The following C8A variants were observed in gnomAD, a reference collection of about 807,000 sequenced individuals.
The protein encoded by C8A is complement C8 alpha chain, also known as complement component C8 alpha chain.
A neutral mutation model predicts 65.3 loss-of-function variants in C8A; 67 were observed. The observed-to-expected ratio is 1.03, with a 90% CI of 0.84 to 1.26. The LOEUF is 1.26. Among genes scored for constraint, C8A ranks in the 50% most tolerant of loss-of-function variants. C8A has a pLI of 0.00. For synonymous variants in C8A, 290 were observed against 259.4 expected (o/e 1.12, Z -1.13); for missense variants, 781 against 723.9 (o/e 1.08, Z -0.90).
At chr1:56,873,573 T>C (rs1473294080) in intron 2 of C8A, among the ~76,000 whole-genome samples, 1 of 152,168 alleles carries the variant, frequency 6.6e-6, no homozygotes, top group East Asian at 1.9e-4. Flanking sequence ...TGCACAGATT[T>C]AGAAACTGAG....
Position 56,859,011 on chromosome 1 carries a change from T to C in C8A, c.77+4033T>C, listed in dbSNP as rs570703010. ...TATATAAAGTACTTATAACAGAACC[T>C]GGTACATGGTAAGCCTTTAGAAAAT... is the stretch of plus-strand genomic sequence containing the variant. On this transcript the variant is annotated intron_variant, in intron 1 of 10. Coordinates refer to ENST00000361249, the MANE Select transcript of C8A (RefSeq NM_000562.3). Among the ~76,000 whole-genome samples, 8 of 152,368 alleles carry C rather than the reference T, an allele frequency of 5.3e-5. No homozygotes were observed. In the East Asian group the frequency reaches 1.4e-3, roughly 26 times the overall value.
chr1:56,906,320 T>C (rs1034943506), intron 7 of C8A, among the ~76,000 whole-genome samples: 4 of 152,052 alleles, frequency 2.6e-5, no homozygotes, highest in Non-Finnish European at 4.4e-5. Flanking sequence ...TTCAGGGTAA[T>C]GGTGCCTATC....
Position 56,854,810 on chromosome 1 carries a change from A to T in C8A, c.-92A>T. 3.9e-6 allele frequency: 4 copies of T among 1,029,046 alleles called. No homozygotes were observed. The highest frequency in any genetic ancestry group is 6.0e-6 in the Non-Finnish European group (4 of 668,540). The allele number at this position is 1,029,046 out of a possible 1,614,324, so 63.7% of individuals were successfully genotyped here. ...GTTTCCAACATCAGATAGATCTTAC[A>T]GGTCCCAGCCTGTAGACATCTTTTA... On this transcript the variant is annotated 5_prime_UTR_variant, in exon 1 of 11. Transcript: ENST00000361249.
chr1:56,864,188 A>T (rs1644061869), intron 1 of C8A, among the ~76,000 whole-genome samples: 1 of 152,186 alleles, frequency 6.6e-6, no homozygotes, highest in South Asian at 2.1e-4. Context: ...TCCCTAAGGA[A>T]TTGATGTTTA....
intron 7 of C8A, among the ~76,000 whole-genome samples, chr1:56,892,299 CTATT>C (rs1447568201): frequency 6.6e-6 from 1 of 152,098 alleles, no homozygotes; most frequent in East Asian, 1.9e-4. Context: ...AAATAATTGA[CTATT>C]TATTATGTGC....
At chr1:56,917,062 G>A (rs1224485597) in intron 10 of C8A, among the ~76,000 whole-genome samples, 2 of 152,332 alleles carry the variant, frequency 1.3e-5, no homozygotes, top group Non-Finnish European at 2.9e-5. Flanking sequence ...ATTCTTCCAA[G>A]GGAGCACACC....
rs377721032 is a variant in C8A at position 56,917,744 on chromosome 1, T to C, written c.*28T>C. On this transcript the variant is annotated 3_prime_UTR_variant, in exon 11 of 11. Transcript: ENST00000361249. ...GCCTCTGGACACAGGCTGGACCAGA[T>C]GCTGTGGATGTCGACCCCTGCACTG... is the stretch of plus-strand genomic sequence containing the variant. The C allele has an allele frequency of 4.6e-5, 75 of 1,613,150 alleles. No individual in the cohort carries two copies. The highest frequency in any genetic ancestry group is 6.1e-5 in the Non-Finnish European group (72 of 1,179,800).
chr1:56,886,071 A>C lies in C8A; in HGVS notation c.1000A>C (p.Ile334Leu). 1 of 1,614,064 alleles carries C rather than the reference A, an allele frequency of 6.2e-7. No individual in the cohort carries two copies. The highest frequency in any genetic ancestry group is 8.5e-7 in the Non-Finnish European group (1 of 1,179,936). ...QYNYGMYAKF[I>L]NDYGTHYITS... ...CAATTATGGCATGTATGCCAAGTTC[A>C]TCAATGACTATGGCACCCATTACAT... The change falls in exon 7 of 11, where the codon ATC (isoleucine) becomes CTC (leucine). Residue 334 changes from isoleucine to leucine, a missense_variant. By Grantham distance (5) the Ile-to-Leu change is conservative. Coordinates refer to ENST00000361249, the MANE Select transcript of C8A (RefSeq NM_000562.3).
intron 5 of C8A, among the ~76,000 whole-genome samples, chr1:56,882,940 C>G (rs1338662275): frequency 6.6e-6 from 1 of 152,168 alleles, no homozygotes; most frequent in Non-Finnish European, 1.5e-5. Context: ...GCAGAGCAAA[C>G]TACTCACAGG....
In C8A at chr1:56,876,858, G is replaced by A. The variant is rs1247495902; in HGVS notation, c.464+649G>A. On this transcript the variant is annotated intron_variant, in intron 4 of 10. Transcript: ENST00000361249. ...CAATATTCCTGGAATATTCTTTCCC[G>A]AATTCCTACCTGGGTAACTCCTCAT... Among the ~76,000 whole-genome samples, 7 of 151,990 alleles carry A rather than the reference G, an allele frequency of 4.6e-5. No homozygotes were observed. The East Asian group carries it at 7.7e-4, about 17-fold the overall frequency.
chr1:56,862,173 A>G (rs1344728638), intron 1 of C8A, among the ~76,000 whole-genome samples: 1 of 152,146 alleles, frequency 6.6e-6, no homozygotes, highest in Admixed American at 6.5e-5. Context: ...TGTGCTCGAG[A>G]TTTTACATAC....
chr1:56,897,039 G>T (rs886206187), intron 7 of C8A, among the ~76,000 whole-genome samples: 2 of 152,208 alleles, frequency 1.3e-5, no homozygotes, highest in African/African-American at 4.8e-5. Context: ...TTTGAAACCA[G>T]CTTTCTAATT....
At chr1:56,909,635 C>A (rs569294574) in intron 9 of C8A, among the ~76,000 whole-genome samples, 41 of 152,248 alleles carry the variant, frequency 2.7e-4, no homozygotes, top group African/African-American at 9.9e-4. Context: ...TGGAGAAGAC[C>A]ACTACAGTCT....
At chr1:56,894,318 G>A (rs1397143532) in intron 7 of C8A, among the ~76,000 whole-genome samples, 1 of 152,162 alleles carries the variant, frequency 6.6e-6, no homozygotes, top group Non-Finnish European at 1.5e-5. Context: ...CTTTGATCAA[G>A]GTCATTCATT....
At chr1:56,890,008 T>C (rs1253434187) in intron 7 of C8A, among the ~76,000 whole-genome samples, 1 of 152,158 alleles carries the variant, frequency 6.6e-6, no homozygotes, top group Admixed American at 6.6e-5. Context: ...TTTCCCCTCC[T>C]TCATTCCTTC....
Position 56,876,197 on chromosome 1 carries a change from AG to A in C8A, c.454del (p.Ala152GlnfsTer8), listed in dbSNP as rs1249209022. The A allele has an allele frequency of 4.3e-6, 7 of 1,613,844 alleles. No homozygotes were observed. Among genetic ancestry groups the A allele is most frequent in the Non-Finnish European group, 5.9e-6 (7 of 1,179,844 alleles). On this transcript the variant is annotated frameshift_variant, in exon 4 of 11. Coordinates refer to ENST00000361249, the MANE Select transcript of C8A (RefSeq NM_000562.3). LOFTEE classifies it high-confidence loss of function. ...SQYEPIPGSQ[K>X]AALGYNILTQ... ...TATGAACCAATTCCAGGATCACAGA[AG>A]GCAGCCTTGGGGTGAGGCCCTGCCT...
intron 9 of C8A, among the ~76,000 whole-genome samples, chr1:56,908,335 C>T (rs1162084165): frequency 6.6e-6 from 1 of 152,118 alleles, no homozygotes; most frequent in Non-Finnish European, 1.5e-5. Flanking sequence ...CTAGTCAGTG[C>T]CTAGTTTTAC....
rs746053665 is a variant in C8A, at chr1:56,906,694, G to T, written c.1124G>T (p.Cys375Phe). The T allele has an allele frequency of 4.3e-6, 7 of 1,614,096 alleles. No homozygotes were observed. In the Admixed American group the frequency reaches 1.2e-4, roughly 27 times the overall value. The change falls in exon 8 of 11, where the codon TGT (cysteine) becomes TTT (phenylalanine). Residue 375 changes from cysteine (C) to phenylalanine (F), a missense_variant. Coordinates refer to ENST00000361249, the MANE Select transcript of C8A (RefSeq NM_000562.3). ...LGITSRDITT[C>F]FGGSLGIQYE... is the part of the protein sequence containing the mutation. ...ATTACCAGCAGAGATATCACGACAT[G>T]TTTTGGAGGCTCCTTGGGCATTCAA...
At chr1:56,867,440 A>G (rs1005169232) in intron 1 of C8A, among the ~76,000 whole-genome samples, 169 bp from the exon 2 acceptor site, 3 of 152,202 alleles carry the variant, frequency 2.0e-5, no homozygotes, top group African/African-American at 7.2e-5. Flanking sequence ...CTCTAGCACC[A>G]TACACTCTCT....
Sources: gnomAD v4.1 joint callset for allele counts (sites outside exome capture counted in the v4.1 genomes callset) on GRCh38, gnomAD v4.1.1 for gene constraint, MANE v1.5 for transcripts, NCBI Gene and HGNC (gene_info 2026-07-23, HGNC 2026-07-21) for gene names.